RBBP8: variants seen among roughly 807,000 people sequenced by gnomAD.
The protein encoded by RBBP8 is DNA endonuclease RBBP8.
A neutral mutation model predicts 108.3 loss-of-function variants in RBBP8; 88 were observed. The observed-to-expected ratio is 0.81, with a 90% confidence interval of 0.68 to 0.97. The LOEUF (loss-of-function observed/expected upper bound fraction) is 0.97. Among genes scored for constraint, RBBP8 ranks in the 50% least tolerant of loss-of-function variants. RBBP8 has a pLI of 0.00. For missense variants in RBBP8, 1,023 were observed against 1,049.0 expected (o/e 0.98, Z 0.34); for synonymous variants, 332 against 348.2 (o/e 0.95, Z 0.52).
intron 18 of RBBP8, among the ~76,000 whole-genome samples, chr18:23,022,940 C>G (rs2046397393): frequency 6.6e-6 from 1 of 151,952 alleles, no homozygotes; most frequent in Admixed American, 6.6e-5. Context: ...ACTCTGTCAC[C>G]CAGGCTGGAG....
At chr18:23,020,769 G>T (rs2046335209) in intron 17 of RBBP8, among the ~76,000 whole-genome samples, 1 of 152,110 alleles carries the variant, frequency 6.6e-6, no homozygotes, top group Non-Finnish European at 1.5e-5. Flanking sequence ...TGCTTGCTGT[G>T]TTACAACTGC....
intron 16 of RBBP8, among the ~76,000 whole-genome samples, chr18:23,014,812 C>T (rs2046229712): frequency 6.6e-6 from 1 of 152,030 alleles, no homozygotes; most frequent in Non-Finnish European, 1.5e-5. Context: ...ATAGTTATGC[C>T]TAATATTTTG....
intron 12 of RBBP8, 60 bp from the exon 13 acceptor site, chr18:22,996,314 A>T: frequency 6.2e-7 from 1 of 1,600,232 alleles, no homozygotes; most frequent in Non-Finnish European, 8.5e-7. Context: ...ATAATATTTT[A>T]AAGTGATGAG....
At chr18:22,960,595 T>TA (rs966898450) in intron 4 of RBBP8, among the ~76,000 whole-genome samples, 53 of 151,584 alleles carry the variant, frequency 3.5e-4, no homozygotes, top group Middle Eastern at 3.4e-3. Flanking sequence ...TCTCCCTTTA[T>TA]AAAAAAAAAG....
intron 3 of RBBP8, among the ~76,000 whole-genome samples, chr18:22,925,656 A>T (rs949156429): frequency 3.3e-5 from 5 of 152,244 alleles, no homozygotes; most frequent in Non-Finnish European, 7.3e-5. Context: ...ACATGGACAA[A>T]GCAATGAATA....
At chr18:22,949,527 G>T in intron 3 of RBBP8, 91 bp from the exon 4 acceptor site, 1 of 957,580 alleles carries the variant, frequency 1.0e-6, no homozygotes, top group South Asian at 1.4e-5. Flanking sequence ...TTTGGTACAA[G>T]AAATTTGTTA....
At chr18:22,933,920 A>T (rs1910268168) in intron 1 of RBBP8, 1 of 152,248 alleles carries the variant, frequency 6.6e-6, no homozygotes, top group South Asian at 2.1e-4. Context: ...ATGGATGGAG[A>T]AGGGACCTGG....
intron 4 of RBBP8, among the ~76,000 whole-genome samples, chr18:22,958,321 T>C (rs1399907776): frequency 6.6e-6 from 1 of 152,260 alleles, no homozygotes; most frequent in Non-Finnish European, 1.5e-5. Flanking sequence ...TTTCTGCCAC[T>C]GAGGGAAATT....
At chr18:22,993,875 CT>C (rs1262021349) in intron 12 of RBBP8, 28 bp downstream of exon 12, 2 of 1,601,818 alleles carry the variant, frequency 1.2e-6, no homozygotes, top group Non-Finnish European at 1.7e-6. Flanking sequence ...AGGATCTCCA[CT>C]TTTTTAATGA....
chr18:22,987,465 A>T (rs1184899422), intron 8 of RBBP8, among the ~76,000 whole-genome samples: 2 of 151,786 alleles, frequency 1.3e-5, no homozygotes, highest in South Asian at 4.2e-4. Flanking sequence ...TTATTTATTT[A>T]TTTTTTGAGA....
chr18:22,934,713 T>C (rs1046270028), intron 1 of RBBP8: 1 of 146,434 alleles, frequency 6.8e-6, no homozygotes, highest in African/African-American at 2.5e-5. Flanking sequence ...CCCCTTCCTG[T>C]GTCCAGGTGT....
intron 14 of RBBP8, among the ~76,000 whole-genome samples, chr18:23,000,824 G>A (rs2045934724): frequency 6.6e-6 from 1 of 151,668 alleles, no homozygotes; most frequent in African/African-American, 2.4e-5. Context: ...ACCCAGAGTT[G>A]GGAGTTTATT....
At chr18:23,010,740 G>A (rs969359768) in intron 16 of RBBP8, among the ~76,000 whole-genome samples, 1 of 151,376 alleles carries the variant, frequency 6.6e-6, no homozygotes, top group Non-Finnish European at 1.5e-5. Flanking sequence ...TGGGGATGGA[G>A]GCATGGAGAT....
At chr18:23,007,943 G>C (rs568176182) in intron 16 of RBBP8, among the ~76,000 whole-genome samples, 81 of 151,730 alleles carry the variant, frequency 5.3e-4, no homozygotes, top group African/African-American at 1.8e-3. Context: ...CTCGCGAGTA[G>C]CTGGGATTAC....
chr18:22,957,819 G>T (rs904436444), intron 4 of RBBP8, among the ~76,000 whole-genome samples: 3 of 152,146 alleles, frequency 2.0e-5, no homozygotes, highest in African/African-American at 7.2e-5. Context: ...AATGGTAGGT[G>T]ATAAGAAAAA....
chr18:22,985,187 T>C (rs1319437850), intron 8 of RBBP8, 197 bp downstream of exon 8: 3 of 281,442 alleles, frequency 1.1e-5, no homozygotes, highest in African/African-American at 6.9e-5. Flanking sequence ...CATATTAATA[T>C]AAATTACTAA....
At chr18:23,011,735 G>A (rs527404329) in intron 16 of RBBP8, among the ~76,000 whole-genome samples, 3 of 152,140 alleles carry the variant, frequency 2.0e-5, no homozygotes, top group South Asian at 2.1e-4. Context: ...CACCGTGCCC[G>A]GCCTGATGCT....
intron 2 of RBBP8, among the ~76,000 whole-genome samples, chr18:22,943,257 G>A (rs921170916): frequency 2.7e-5 from 4 of 150,740 alleles, no homozygotes; most frequent in Admixed American, 6.6e-5. Context: ...ACAACAAAGC[G>A]AGACCCTGTC....
upstream of RBBP8, among the ~76,000 whole-genome samples, chr18:22,930,115 G>A (rs1909966553): frequency 6.6e-6 from 1 of 152,186 alleles, no homozygotes; most frequent in Non-Finnish European, 1.5e-5. Context: ...TTACTTTTAA[G>A]AATCCTAGAG....
Sources: allele counts gnomAD v4.1 joint callset (sites outside exome capture counted in the v4.1 genomes callset), GRCh38; gene constraint gnomAD v4.1.1; transcripts MANE v1.5; gene names NCBI Gene and HGNC (gene_info 2026-07-23, HGNC 2026-07-21).